The following ZNF613 variants were observed in gnomAD, a reference collection of about 807,000 sequenced individuals.
The protein encoded by ZNF613 is zinc finger protein 613.
ZNF613 carries 8 observed loss-of-function variants against 14.3 expected under a neutral mutation model. The observed-to-expected ratio is 0.56, with a 90% CI of 0.33 to 1.01. The LOEUF (loss-of-function observed/expected upper bound fraction) is 1.01, where lower values mean the gene tolerates loss of function less well. Ranked by LOEUF, ZNF613 falls within the 50% of genes least tolerant of loss-of-function variation. The pLI, the probability that ZNF613 is intolerant of heterozygous loss-of-function variation, is 0.03. For synonymous variants in ZNF613, 228 were observed against 254.5 expected (o/e 0.90, Z 0.99); for missense variants, 656 against 741.9 (o/e 0.88, Z 1.35).
In ZNF613 at chr19:51,940,283, GGACCTGTACCGA is replaced by G; in HGVS notation, c.94_105del (p.Leu32_Asp35del). ...GGCAGCTCCTCGGCCCTGCTCAGAA[GGACCTGTACCGA>G]GACGTGATGTTGGAGAACTATAGCA... On this transcript the variant is annotated inframe_deletion, in exon 4 of 6. Coordinates refer to ENST00000293471, the MANE Select transcript of ZNF613 (RefSeq NM_001031721.4). 1 of 1,613,848 alleles carries G rather than the reference GGACCTGTACCGA, an allele frequency of 6.2e-7. No homozygotes were observed. The highest frequency in any genetic ancestry group is 1.1e-5 in the South Asian group (1 of 91,076).
chr19:51,945,548 C>CT lies in ZNF613; in HGVS notation c.1667dup (p.Leu556PhefsTer6). Reference sequence around the variant, plus strand: ...AAAATCCTTGCTCAGAGAGTCATAGCTTATCACATACACGTGATCTCATAC... The same window carrying CT: ...AAAATCCTTGCTCAGAGAGTCATAGCTTTATCACATACACGTGATCTCATAC... On this transcript the variant is annotated frameshift_variant, in exon 6 of 6. Coordinates refer to ENST00000293471, the MANE Select transcript of ZNF613 (RefSeq NM_001031721.4). LOFTEE classifies it low-confidence loss of function (END_TRUNC). 6.2e-7 allele frequency: 1 copy of CT among 1,614,154 alleles called. No individual in the cohort carries two copies. The highest frequency in any genetic ancestry group is 8.5e-7 in the Non-Finnish European group (1 of 1,180,018).
intron 3 of ZNF613, among the ~76,000 whole-genome samples, chr19:51,939,910 C>CAA (rs567897205): frequency 2.2e-5 from 3 of 134,404 alleles, no homozygotes; most frequent in African/African-American, 5.5e-5. Context: ...AATAGGTGCT[C>CAA]AAAAAAAAAA....
In ZNF613 at chr19:51,937,065, G is replaced by A. The variant is rs148260352; in HGVS notation, c.15+830G>A. Among the ~76,000 whole-genome samples the A allele has an allele frequency of 1.4e-3, 216 of 152,318 alleles. 1 individual carries two copies. Among genetic ancestry groups the A allele is most frequent in the African/African-American group, 4.6e-3 (191 of 41,582 alleles). ...TGGGAGGTTGGTGTGTGCAGAGAGA[G>A]CATGGAAATTTATGCCCATACACCA... On this transcript the variant is annotated intron_variant, in intron 3 of 5. Transcript: ENST00000293471.
Position 51,945,283 on chromosome 19 carries a change from A to T in ZNF613, c.1400A>T (p.His467Leu). 5 of 1,613,996 alleles carry T rather than the reference A, an allele frequency of 3.1e-6. No homozygotes were observed. Among genetic ancestry groups the T allele is most frequent in the Non-Finnish European group, 4.2e-6 (5 of 1,179,954 alleles). ...VCTECGKSCS[H>L]KSGLINHQRI... ...ACTGAGTGTGGAAAATCCTGCTCACACAAGTCAGGTCTCATTAACCACCAG... is the reference window on the plus strand; with the variant it reads ...ACTGAGTGTGGAAAATCCTGCTCACTCAAGTCAGGTCTCATTAACCACCAG... Residue 467 changes from histidine (H) to leucine (L), a missense_variant, in exon 6 of 6, where the codon CAC (histidine) becomes CTC (leucine). Transcript: ENST00000293471.
intron 3 of ZNF613, 59 bp downstream of exon 3, chr19:51,936,294 T>G: frequency 6.5e-7 from 1 of 1,540,654 alleles, no homozygotes; most frequent in South Asian, 1.2e-5. Context: ...TGGAAGACTT[T>G]AAAAGTCAGT....
intron 5 of ZNF613, among the ~76,000 whole-genome samples, chr19:51,943,816 A>C (rs1442869066): frequency 6.6e-6 from 1 of 152,240 alleles, no homozygotes; most frequent in Non-Finnish European, 1.5e-5. Flanking sequence ...AAGTAGACAA[A>C]GGGTGTGAGA....
At chr19:51,932,027 G>C (rs548912516) in intron 2 of ZNF613, among the ~76,000 whole-genome samples, 20 of 152,256 alleles carry the variant, frequency 1.3e-4, no homozygotes, top group African/African-American at 2.9e-4. Flanking sequence ...TAGAGAGAAG[G>C]GGGGGTGATT....
Position 51,945,819 on chromosome 19 carries a change from C to CT in ZNF613, c.*83dup. Reference sequence around the variant, plus strand: ...GTCACAAAAAACACAGAGGAACAAACTGATATATTCAAGGTGGAAAGCCCT... The same window carrying CT: ...GTCACAAAAAACACAGAGGAACAAACTTGATATATTCAAGGTGGAAAGCCCT... On this transcript the variant is annotated 3_prime_UTR_variant, in exon 6 of 6. Transcript: ENST00000293471. 1 of 1,484,572 alleles carries CT rather than the reference C, an allele frequency of 6.7e-7. No individual in the cohort carries two copies. Among genetic ancestry groups the CT allele is most frequent in the Non-Finnish European group, 9.3e-7 (1 of 1,080,654 alleles). 92.0% of individuals were successfully genotyped at this position (1,484,572 alleles called of 1,614,324 possible). A position where few individuals can be genotyped will look rare whatever the true frequency, so the allele number is the denominator to read the frequency against.
chr19:51,936,489 AG>A (rs1433166932), intron 3 of ZNF613, among the ~76,000 whole-genome samples: 2 of 152,038 alleles, frequency 1.3e-5, no homozygotes, highest in African/African-American at 4.8e-5. Context: ...CTGAATGATA[AG>A]GGTCTTTTTT....
intron 2 of ZNF613, among the ~76,000 whole-genome samples, chr19:51,933,339 AGT>A (rs1293589338): frequency 2.0e-5 from 3 of 152,194 alleles, no homozygotes; most frequent in Non-Finnish European, 4.4e-5. Flanking sequence ...TGCTTCACAA[AGT>A]GTTTGAGAAA....
chr19:51,941,800 C>T (rs2085352335), intron 5 of ZNF613, among the ~76,000 whole-genome samples: 1 of 152,222 alleles, frequency 6.6e-6, no homozygotes, highest in Non-Finnish European at 1.5e-5. Context: ...TGAAACTTCC[C>T]TGCCTCCTCA....
At chr19:51,930,435 T>C (rs2085255414) in intron 2 of ZNF613, among the ~76,000 whole-genome samples, 1 of 152,108 alleles carries the variant, frequency 6.6e-6, no homozygotes, top group Admixed American at 6.5e-5. Flanking sequence ...CTAATTTTTG[T>C]ATTTTTGGTA....
intron 3 of ZNF613, among the ~76,000 whole-genome samples, chr19:51,938,427 C>A (rs2085321101): frequency 6.6e-6 from 1 of 151,920 alleles, no homozygotes; most frequent in South Asian, 2.1e-4. Context: ...CCACATCCAG[C>A]TGATGGTTGT....
At chr19:51,938,957 C>A (rs2085326746) in intron 3 of ZNF613, among the ~76,000 whole-genome samples, 1 of 151,298 alleles carries the variant, frequency 6.6e-6, no homozygotes, top group Admixed American at 6.6e-5. Context: ...TACATGTTTG[C>A]ATATATTTGT....
At chr19:51,933,698 A>G (rs1399372822) in intron 2 of ZNF613, among the ~76,000 whole-genome samples, 1 of 152,210 alleles carries the variant, frequency 6.6e-6, no homozygotes, top group African/African-American at 2.4e-5. Context: ...CACAATCTTT[A>G]AGACCATCAC....
In ZNF613 at chr19:51,945,284, C is replaced by G; in HGVS notation, c.1401C>G (p.His467Gln). 1 of 1,613,534 alleles carries G rather than the reference C, an allele frequency of 6.2e-7. No homozygotes were observed. Among genetic ancestry groups the G allele is most frequent in the Non-Finnish European group, 8.5e-7 (1 of 1,179,824 alleles). ...CTGAGTGTGGAAAATCCTGCTCACACAAGTCAGGTCTCATTAACCACCAGA... is the reference window on the plus strand; with the variant it reads ...CTGAGTGTGGAAAATCCTGCTCACAGAAGTCAGGTCTCATTAACCACCAGA... Reference protein sequence around the residue: ...VCTECGKSCSHKSGLINHQRI... With the variant: ...VCTECGKSCSQKSGLINHQRI... The change falls in exon 6 of 6, where the codon CAC (histidine) becomes CAG (glutamine). Residue 467 changes from histidine to glutamine, a missense_variant. By Grantham distance (24) the His-to-Gln change is conservative (BLOSUM62 0). Coordinates refer to ENST00000293471, the MANE Select transcript of ZNF613 (RefSeq NM_001031721.4).
intron 2 of ZNF613, among the ~76,000 whole-genome samples, chr19:51,934,266 C>G (rs1428454410): frequency 6.6e-6 from 1 of 152,030 alleles, no homozygotes; most frequent in African/African-American, 2.4e-5. Flanking sequence ...ACCCTTGGAC[C>G]TACCTACTCT....
At chr19:51,935,409 C>A (rs2085298392) in intron 2 of ZNF613, among the ~76,000 whole-genome samples, 2 of 152,200 alleles carry the variant, frequency 1.3e-5, no homozygotes, top group South Asian at 4.1e-4. Flanking sequence ...AGGCTAAGGT[C>A]ATGTTCTTGG....
intron 1 of ZNF613, among the ~76,000 whole-genome samples, chr19:51,928,386 G>A (rs1265254746): frequency 1.3e-5 from 2 of 152,196 alleles, no homozygotes; most frequent in African/African-American, 4.8e-5. Context: ...CTGAAGCCTT[G>A]GCAGCCAGGG....
Sources: gnomAD v4.1 joint callset for allele counts (sites outside exome capture counted in the v4.1 genomes callset) on GRCh38, gnomAD v4.1.1 for gene constraint, MANE v1.5 for transcripts, NCBI Gene and HGNC (gene_info 2026-07-23, HGNC 2026-07-21) for gene names.